The following TRIM36 variants were observed in gnomAD, a reference collection of about 807,000 sequenced individuals.
TRIM36 encodes tripartite motif containing 36.
In TRIM36, 42 loss-of-function variants were observed where a neutral mutation model predicts 72.4. The ratio of observed to expected loss-of-function variants is 0.58; its 90% confidence interval spans 0.45 to 0.75. TRIM36 has a LOEUF of 0.75. Ranked by LOEUF, TRIM36 falls within the 30% of genes least tolerant of loss-of-function variation. The pLI is 0.00. For missense variants in TRIM36, 913 were observed against 857.1 expected (o/e 1.07, Z -0.81); for synonymous variants, 315 against 282.8 (o/e 1.11, Z -1.14).
At chr5:115,174,562 TG>T (rs984641672), upstream of TRIM36, among the ~76,000 whole-genome samples, 22 of 152,316 alleles carry the variant, frequency 1.4e-4, no homozygotes, top group Admixed American at 5.9e-4. Context: ...AGTGTTTCTA[TG>T]GGAACAAAGT....
intron 2 of TRIM36, among the ~76,000 whole-genome samples, chr5:115,161,785 T>C (rs1330943509): frequency 2.0e-5 from 3 of 152,148 alleles, no homozygotes; most frequent in Non-Finnish European, 4.4e-5. Context: ...TTTCTTACAG[T>C]AGTTGAGCTA....
At chr5:115,171,033 A>G, upstream of TRIM36, 7 of 1,604,796 alleles carry the variant, frequency 4.4e-6, no homozygotes, top group Non-Finnish European at 4.3e-6. Context: ...CCTATGTATT[A>G]GGCTTTAAGA....
chr5:115,150,694 A>C (rs73780075), intron 2 of TRIM36, among the ~76,000 whole-genome samples: 6,985 of 152,260 alleles, frequency 0.046, 579 homozygotes, highest in African/African-American at 0.16. Flanking sequence ...AGGACCTGGG[A>C]GACACGCTAA....
chr5:115,150,779 C>T (rs1753848304), intron 2 of TRIM36, among the ~76,000 whole-genome samples: 1 of 152,208 alleles, frequency 6.6e-6, no homozygotes, highest in Non-Finnish European at 1.5e-5. Flanking sequence ...ACTGGGGAAA[C>T]TGAAGACCTG....
rs565171816 is a variant in TRIM36 at position 115,176,714 on chromosome 5, T to C, written c.63+3261A>G. ...ATAAAAAAATTAGTGAGGCAAATCTTACAAGAGACCAAAACAGTTGGAAAA... is the reference window on the plus strand; with the variant it reads ...ATAAAAAAATTAGTGAGGCAAATCTCACAAGAGACCAAAACAGTTGGAAAA... On this transcript the variant is annotated intron_variant, in intron 1 of 9. Transcript: ENST00000282369. Among the ~76,000 whole-genome samples, 17 of 152,312 alleles carry C rather than the reference T, an allele frequency of 1.1e-4. 1 individual carries two copies. The South Asian group carries it at 3.5e-3, about 32-fold the overall frequency.
chr5:115,128,587 C>T lies in TRIM36; in HGVS notation c.1797-1730G>A, dbSNP rs1752481924. Among the ~76,000 whole-genome samples, 6 of 145,838 alleles carry T rather than the reference C, an allele frequency of 4.1e-5. No homozygotes were observed. In the South Asian group the frequency reaches 1.4e-3, roughly 33 times the overall value. On this transcript the variant is annotated intron_variant, in intron 9 of 9. Coordinates refer to ENST00000513154, the MANE Select transcript of TRIM36 (RefSeq NM_001300759.2). The stretch of plus-strand genomic sequence containing the variant: ...CTAACAAGGTGAAACCCCGTCTCTA[C>T]TAAAAATACAAAAAATTAGCCGGGC...
chr5:115,173,631 A>G (rs1015358706), upstream of TRIM36, among the ~76,000 whole-genome samples: 12 of 152,140 alleles, frequency 7.9e-5, no homozygotes, highest in African/African-American at 2.9e-4. Context: ...GAAGGCCTCT[A>G]TGCTTTTGTA....
chr5:115,128,831 A>T (rs1330651177), intron 9 of TRIM36, among the ~76,000 whole-genome samples: 1 of 151,036 alleles, frequency 6.6e-6, no homozygotes, highest in East Asian at 1.9e-4. Context: ...AAAGAAGAAT[A>T]CATTTAAATA....
chr5:115,141,065 T>C (rs925896245), intron 5 of TRIM36, among the ~76,000 whole-genome samples: 2 of 152,186 alleles, frequency 1.3e-5, no homozygotes, highest in African/African-American at 4.8e-5. Flanking sequence ...TGTTCCAATA[T>C]CATTTAATCA....
chr5:115,144,733 G>A lies in TRIM36; in HGVS notation c.600C>T (p.Cys200=), dbSNP rs757022520. The A allele has an allele frequency of 1.9e-6, 3 of 1,612,668 alleles. No homozygotes were observed. Among genetic ancestry groups the A allele is most frequent in the South Asian group, 1.1e-5 (1 of 90,616 alleles). ...TTNFRPKILM[C]PEHETERINM... is the part of the protein sequence containing the mutation. Reference sequence around the variant, plus strand: ...TTATTCTCTCTGTTTCATGTTCTGGGCACATTAAAATCTATTGAGTAAAGA... The same window carrying A: ...TTATTCTCTCTGTTTCATGTTCTGGACACATTAAAATCTATTGAGTAAAGA... Residue 200 remains cysteine (C), a synonymous_variant, in exon 4 of 10, where the codon TGC becomes TGT. Coordinates refer to ENST00000513154, the MANE Select transcript of TRIM36 (RefSeq NM_001300759.2).
upstream of TRIM36, chr5:115,170,018 G>A: frequency 9.6e-7 from 1 of 1,043,274 alleles, no homozygotes; most frequent in Non-Finnish European, 1.2e-6. Context: ...AAGAGGCGGG[G>A]CCGCCTGGGG....
intron 1 of TRIM36, among the ~76,000 whole-genome samples, chr5:115,176,741 A>T (rs1755358204): frequency 1.3e-5 from 2 of 152,178 alleles, no homozygotes; most frequent in South Asian, 4.1e-4. Context: ...GTTGGAAAAT[A>T]CTGCTTTGAG....
chr5:115,138,801 G>GA (rs1473005967), intron 5 of TRIM36, among the ~76,000 whole-genome samples: 2 of 151,728 alleles, frequency 1.3e-5, no homozygotes, highest in African/African-American at 4.8e-5. Flanking sequence ...GCAGCCAACA[G>GA]AAAAAAAGTC....
intron 7 of TRIM36, 79 bp from the exon 8 acceptor site, chr5:115,134,226 T>A: frequency 7.7e-7 from 1 of 1,305,238 alleles, no homozygotes; most frequent in South Asian, 1.8e-5. Flanking sequence ...TAAAATGACA[T>A]ATAAACAGTA....
In TRIM36 at chr5:115,166,348, G is replaced by T. The variant is rs1441901829; in HGVS notation, c.28-2596C>A. Among the ~76,000 whole-genome samples the T allele has an allele frequency of 5.3e-5, 8 of 152,310 alleles. No homozygotes were observed. In the East Asian group the frequency reaches 1.4e-3, roughly 26 times the overall value. On this transcript the variant is annotated intron_variant, in intron 1 of 9. Coordinates refer to ENST00000513154, the MANE Select transcript of TRIM36 (RefSeq NM_001300759.2). ...TGGCAGATGATAGGACGACCTGCCT[G>T]CAGGTAAGAGCTACCCACTTGGGTC...
At chr5:115,136,944 C>T (rs903924117) in intron 7 of TRIM36, 56 bp downstream of exon 7, 1 of 1,464,224 alleles carries the variant, frequency 6.8e-7, no homozygotes, top group Non-Finnish European at 9.1e-7. Flanking sequence ...TGTTTTCTTC[C>T]ACACAATACA....
rs767156853 is a variant in TRIM36 at position 115,126,335 on chromosome 5, C to A, written c.*168G>T. 10 of 577,186 alleles carry A rather than the reference C, an allele frequency of 1.7e-5. No individual in the cohort carries two copies. The highest frequency in any genetic ancestry group is 1.7e-4 in the African/African-American group (9 of 53,890). The allele number at this position is 577,186 out of a possible 1,614,324, so 35.8% of individuals were successfully genotyped here. ...TCATCATTTGTGAAAGGCAGAACAA[C>A]GACATGAAGACACAAGGCTGTTTAG... On this transcript the variant is annotated 3_prime_UTR_variant, in exon 10 of 10. Coordinates refer to ENST00000513154, the MANE Select transcript of TRIM36 (RefSeq NM_001300759.2).
intron 3 of TRIM36, 73 bp downstream of exon 3, chr5:115,146,996 T>C (rs1753628947): frequency 7.6e-7 from 1 of 1,311,236 alleles, no homozygotes; most frequent in Non-Finnish European, 1.0e-6. Context: ...ATTTATTTCG[T>C]AACATTAAGT....
intron 7 of TRIM36, among the ~76,000 whole-genome samples, chr5:115,135,478 C>T (rs1381060891): frequency 7.7e-6 from 1 of 130,716 alleles, no homozygotes; most frequent in East Asian, 2.1e-4. Context: ...ACATAGCTTA[C>T]TAAAAAAAAA....
Sources: gnomAD v4.1 joint callset for allele counts (sites outside exome capture counted in the v4.1 genomes callset) on GRCh38, gnomAD v4.1.1 for gene constraint, MANE v1.5 for transcripts, NCBI Gene and HGNC (gene_info 2026-07-23, HGNC 2026-07-21) for gene names.